The following ZBTB20 variants were observed in gnomAD, a reference collection of about 807,000 sequenced individuals.
ZBTB20 encodes the protein zinc finger and BTB domain containing 20, also known as zinc finger and BTB domain-containing protein 20.
In ZBTB20, 9 loss-of-function variants were observed where a neutral mutation model predicts 56.9. The ratio of observed to expected loss-of-function variants is 0.16; its 90% CI spans 0.10 to 0.28. The LOEUF is 0.28. Among genes scored for constraint, ZBTB20 ranks in the 10% least tolerant of loss-of-function variants. The pLI is 1.00. For missense variants in ZBTB20, 655 were observed against 1,003.0 expected (o/e 0.65, Z 4.69); for synonymous variants, 417 against 420.7 (o/e 0.99, Z 0.11).
chr3:114,546,244 G>A (rs2049863369), intron 6 of ZBTB20, among the ~76,000 whole-genome samples: 1 of 152,200 alleles, frequency 6.6e-6, no homozygotes, highest in Non-Finnish European at 1.5e-5. Context: ...TCAGAAAGCA[G>A]CCTGGGTGGG....
intron 1 of ZBTB20, among the ~76,000 whole-genome samples, chr3:115,077,004 G>A (rs1415781346): frequency 6.6e-6 from 1 of 152,174 alleles, no homozygotes; most frequent in Non-Finnish European, 1.5e-5. Flanking sequence ...ACTGGATGCA[G>A]AGCTCAGGCG....
chr3:114,737,907 C>A (rs1253318704), intron 5 of ZBTB20, among the ~76,000 whole-genome samples: 1 of 152,142 alleles, frequency 6.6e-6, no homozygotes, highest in Non-Finnish European at 1.5e-5. Context: ...ATCCCACATT[C>A]ATTCCCATTT....
At chr3:114,820,125 A>G (rs929674344) in intron 4 of ZBTB20, among the ~76,000 whole-genome samples, 16 of 152,000 alleles carry the variant, frequency 1.1e-4, no homozygotes, top group African/African-American at 3.6e-4. Flanking sequence ...CTAAGGATGT[A>G]TGCTAAAAAC....
At chr3:114,895,250 T>G (rs2074826537) in intron 4 of ZBTB20, among the ~76,000 whole-genome samples, 1 of 152,188 alleles carries the variant, frequency 6.6e-6, no homozygotes, top group Non-Finnish European at 1.5e-5. Flanking sequence ...CTGACAACTA[T>G]GCTCACTAAA....
intron 5 of ZBTB20, among the ~76,000 whole-genome samples, chr3:114,717,557 T>G (rs1420779633): frequency 6.6e-6 from 1 of 152,102 alleles, no homozygotes; most frequent in Non-Finnish European, 1.5e-5. Context: ...AAATGCCACA[T>G]AAGAAAACAA....
chr3:114,723,594 A>G (rs577799759), intron 5 of ZBTB20, among the ~76,000 whole-genome samples: 1 of 152,038 alleles, frequency 6.6e-6, no homozygotes, highest in Non-Finnish European at 1.5e-5. Flanking sequence ...TCCAGCCTCC[A>G]CTCCAGGCCA....
chr3:114,590,434 G>A (rs2055631445), intron 6 of ZBTB20, among the ~76,000 whole-genome samples: 1 of 150,830 alleles, frequency 6.6e-6, no homozygotes, highest in East Asian at 2.0e-4. Context: ...CCTGCAGCCT[G>A]GGCGAAAGAC....
chr3:114,856,825 G>C (rs1336896825), intron 4 of ZBTB20, among the ~76,000 whole-genome samples: 3 of 152,000 alleles, frequency 2.0e-5, no homozygotes, highest in African/African-American at 7.3e-5. Flanking sequence ...TTTAATTTGA[G>C]ACAAAGTGAC....
chr3:114,450,550 A>C (rs1299449296), intron 7 of ZBTB20, among the ~76,000 whole-genome samples: 1 of 152,190 alleles, frequency 6.6e-6, no homozygotes, highest in Non-Finnish European at 1.5e-5. Context: ...TCTGTAAAAA[A>C]TAATTTTAGA....
chr3:114,645,782 A>T (rs1259357002), intron 6 of ZBTB20, among the ~76,000 whole-genome samples: 1 of 152,182 alleles, frequency 6.6e-6, no homozygotes, highest in Non-Finnish European at 1.5e-5. Flanking sequence ...CCTTTACCAG[A>T]TATTTCATTA....
At chr3:114,491,690 C>T (rs536268296) in intron 7 of ZBTB20, among the ~76,000 whole-genome samples, 2 of 152,164 alleles carry the variant, frequency 1.3e-5, no homozygotes, top group East Asian at 1.9e-4. Context: ...CTCCTCTCTA[C>T]GGTATTCTTC....
chr3:114,821,322 C>G (rs190310551), intron 4 of ZBTB20, among the ~76,000 whole-genome samples: 24 of 152,188 alleles, frequency 1.6e-4, no homozygotes, highest in Non-Finnish European at 2.9e-4. Context: ...GACATGTGCA[C>G]CATATCAGGA....
intron 8 of ZBTB20, chr3:114,387,795 G>A (rs995256528): frequency 6.6e-6 from 1 of 152,214 alleles, no homozygotes; most frequent in African/African-American, 2.4e-5. Context: ...TTGTGTGGGT[G>A]TGGACTGAAG....
In ZBTB20 at chr3:114,739,016, C is replaced by T. The variant is rs143693088; in HGVS notation, c.-342-45441G>A. ...CGATCCTGGGCTCAGGTGATCCTCC[C>T]GCCTTGGCCTCCCAAAGTGTTGGGA... On this transcript the variant is annotated intron_variant, in intron 5 of 11. Transcript: ENST00000675478. Among the ~76,000 whole-genome samples, 563 of 152,282 alleles carry T rather than the reference C, an allele frequency of 3.7e-3. 3 individuals carry two copies. Among genetic ancestry groups the T allele is most frequent in the African/African-American group, 0.011 (473 of 41,556 alleles).
chr3:114,588,681 T>C (rs569126203), intron 6 of ZBTB20, among the ~76,000 whole-genome samples: 3 of 152,206 alleles, frequency 2.0e-5, no homozygotes, highest in Admixed American at 6.5e-5. Flanking sequence ...AAACAACCCA[T>C]GGTCTGGGTC....
intron 5 of ZBTB20, among the ~76,000 whole-genome samples, chr3:114,783,534 G>T (rs2070265664): frequency 6.6e-6 from 1 of 152,058 alleles, no homozygotes; most frequent in Admixed American, 6.6e-5. Context: ...GGTGGCTCAT[G>T]CCTGTAATCC....
chr3:114,746,057 C>T (rs2067015923), intron 5 of ZBTB20, among the ~76,000 whole-genome samples: 1 of 152,102 alleles, frequency 6.6e-6, no homozygotes, highest in Non-Finnish European at 1.5e-5. Context: ...AACTATTAAA[C>T]CATGTGCGGT....
intron 4 of ZBTB20, among the ~76,000 whole-genome samples, chr3:114,802,982 C>T (rs2071829043): frequency 6.6e-6 from 1 of 151,802 alleles, no homozygotes; most frequent in African/African-American, 2.4e-5. Context: ...ACTATCAGCT[C>T]AAAATAATTA....
chr3:114,978,441 T>G (rs1301068709), intron 2 of ZBTB20, among the ~76,000 whole-genome samples: 1 of 151,476 alleles, frequency 6.6e-6, no homozygotes, highest in Non-Finnish European at 1.5e-5. Flanking sequence ...TATTTTAGAA[T>G]AGTGAACTGG....
Sources: allele counts gnomAD v4.1 joint callset (sites outside exome capture counted in the v4.1 genomes callset), GRCh38; gene constraint gnomAD v4.1.1; transcripts MANE v1.5; gene names NCBI Gene and HGNC (gene_info 2026-07-23, HGNC 2026-07-21).